Variants in RYR3 observed in about 807,000 individuals in gnomAD.
RYR3 encodes ryanodine receptor 3, also known as brain ryanodine receptor-calcium release channel.
A neutral mutation model predicts 584.3 loss-of-function variants in RYR3; 207 were observed. The observed-to-expected ratio is 0.35, with a 90% CI of 0.32 to 0.40. RYR3 has a LOEUF of 0.40. Among genes scored for constraint, RYR3 ranks in the 10% least tolerant of loss-of-function variants. RYR3 has a pLI of 1.00. For synonymous variants in RYR3, 2,416 were observed against 2,248.5 expected (o/e 1.07, Z -2.11); for missense variants, 5,616 against 6,089.2 (o/e 0.92, Z 2.59).
rs537979276 is a variant in RYR3, at chr15:33,486,642, C to T, written c.171+13104C>T. On this transcript the variant is annotated intron_variant, in intron 2 of 103. Coordinates refer to ENST00000634891, the MANE Select transcript of RYR3 (RefSeq NM_001036.6). ...AGTAAAGGAATAATAGGTCAAAGTA[C>T]ACAAACATCAAAGAGGAGGGGAGTA... is the stretch of plus-strand genomic sequence containing the variant. Among the ~76,000 whole-genome samples the T allele has an allele frequency of 2.0e-5, 3 of 152,226 alleles. No individual in the cohort carries two copies. The South Asian group carries it at 6.2e-4, about 32-fold the overall frequency.
At chr15:33,619,517 G>A (rs1401277178) in intron 19 of RYR3, among the ~76,000 whole-genome samples, 4 of 152,052 alleles carry the variant, frequency 2.6e-5, no homozygotes, top group African/African-American at 9.7e-5. Context: ...TGGACTGGTA[G>A]GTTTAACTTT....
intron 2 of RYR3, among the ~76,000 whole-genome samples, chr15:33,501,845 A>G (rs544639421): frequency 6.6e-6 from 1 of 152,332 alleles, no homozygotes; most frequent in East Asian, 1.9e-4. Flanking sequence ...CTGCTTGCTC[A>G]AGTCCCATAC....
chr15:33,614,572 T>G (rs2060356221), intron 19 of RYR3, among the ~76,000 whole-genome samples: 2 of 152,296 alleles, frequency 1.3e-5, no homozygotes, highest in Admixed American at 1.3e-4. Flanking sequence ...TTTAATGTGC[T>G]TTTTCCAACA....
intron 20 of RYR3, among the ~76,000 whole-genome samples, chr15:33,626,406 A>G (rs897549522): frequency 6.6e-6 from 1 of 152,248 alleles, no homozygotes; most frequent in African/African-American, 2.4e-5. Context: ...AGAAATTTCT[A>G]AGCAGCAAAG....
At chr15:33,597,815 A>T (rs1248460494) in intron 16 of RYR3, among the ~76,000 whole-genome samples, 1 of 138,094 alleles carries the variant, frequency 7.2e-6, no homozygotes, top group Non-Finnish European at 1.6e-5. Context: ...GTTAGTAGTA[A>T]AACATTCTGT....
chr15:33,547,602 G>T (rs1347004093), intron 8 of RYR3, among the ~76,000 whole-genome samples: 1 of 152,120 alleles, frequency 6.6e-6, no homozygotes, highest in East Asian at 1.9e-4. Context: ...CTTAACACGG[G>T]AAAGGAAGCA....
chr15:33,573,151 A>AT (rs756526641), intron 12 of RYR3, among the ~76,000 whole-genome samples: 3 of 152,220 alleles, frequency 2.0e-5, no homozygotes, highest in East Asian at 3.9e-4. Flanking sequence ...TCCCACCCTC[A>AT]AGAGGGAAAT....
intron 1 of RYR3, among the ~76,000 whole-genome samples, chr15:33,431,979 T>C (rs926081379): frequency 6.6e-6 from 1 of 152,192 alleles, no homozygotes; most frequent in African/African-American, 2.4e-5. Context: ...CAGCAAGACT[T>C]ACTGGAGTAG....
chr15:33,404,734 T>C (rs1447447126), intron 1 of RYR3, among the ~76,000 whole-genome samples: 2 of 152,194 alleles, frequency 1.3e-5, no homozygotes, highest in Non-Finnish European at 2.9e-5. Context: ...AATAAAAGTA[T>C]AAACTGGACT....
Position 33,586,051 on chromosome 15 carries a change from C to G in RYR3, c.1723C>G (p.Leu575Val). The G allele has an allele frequency of 6.2e-7, 1 of 1,613,674 alleles. No homozygotes were observed. The change falls in exon 16 of 104, where the codon CTG becomes GTG. Residue 575 changes from leucine (L) to valine (V), a missense_variant. Leu to Val is a conservative substitution (Grantham distance 32). Transcript: ENST00000634891. ...ILTESPEALN[L>V]IAEGHIKSII... ...AACTGAAAGCCCAGAAGCCTTAAAT[C>G]TGATAGCGGAGGGCCACATCAAGTC...
chr15:33,374,443 T>G (rs2040577803), intron 1 of RYR3, among the ~76,000 whole-genome samples: 1 of 152,036 alleles, frequency 6.6e-6, no homozygotes, highest in Non-Finnish European at 1.5e-5. Context: ...CACGCATAGA[T>G]GTACACGTCA....
chr15:33,595,958 T>C (rs960708951), intron 16 of RYR3, among the ~76,000 whole-genome samples: 3 of 152,140 alleles, frequency 2.0e-5, no homozygotes, highest in South Asian at 2.1e-4. Context: ...GGTTGGACTT[T>C]CTGATTTATT....
chr15:33,815,271 G>T (rs2076756657), intron 74 of RYR3: 1 of 152,140 alleles, frequency 6.6e-6, no homozygotes, highest in Non-Finnish European at 1.5e-5. Flanking sequence ...TTCATAGCCC[G>T]TTAGAAAAAG....
intron 1 of RYR3, among the ~76,000 whole-genome samples, chr15:33,404,239 T>C (rs2042870962): frequency 6.6e-6 from 1 of 152,242 alleles, no homozygotes; most frequent in African/African-American, 2.4e-5. Flanking sequence ...ATCTTGGTGA[T>C]GTTTAGAGGG....
At chr15:33,590,589 C>T (rs183909436) in intron 16 of RYR3, among the ~76,000 whole-genome samples, 296 of 148,978 alleles carry the variant, frequency 2.0e-3, no homozygotes, top group African/African-American at 6.8e-3. Flanking sequence ...ATCAGTGTTT[C>T]GTAATTTTTT....
At chr15:33,827,756 T>C (rs1270849907) in intron 85 of RYR3, among the ~76,000 whole-genome samples, 1 of 152,206 alleles carries the variant, frequency 6.6e-6, no homozygotes, top group Non-Finnish European at 1.5e-5. Flanking sequence ...CAAAAAGGGA[T>C]TTTTTTCCTC....
At chr15:33,349,298 G>A (rs1209665519) in intron 1 of RYR3, among the ~76,000 whole-genome samples, 1 of 152,042 alleles carries the variant, frequency 6.6e-6, no homozygotes, top group East Asian at 1.9e-4. Context: ...TAAATTCCTA[G>A]GAGCGTGAAT....
chr15:33,799,157 C>G (rs1193622703), intron 67 of RYR3, among the ~76,000 whole-genome samples: 1 of 152,136 alleles, frequency 6.6e-6, no homozygotes, highest in Non-Finnish European at 1.5e-5. Context: ...ACAGAGCTCC[C>G]AAAACTCATA....
Position 33,442,271 on chromosome 15 carries a change from A to G in RYR3, c.52-31148A>G, listed in dbSNP as rs906172451. Among the ~76,000 whole-genome samples, 13 of 152,336 alleles carry G rather than the reference A, an allele frequency of 8.5e-5. No homozygotes were observed. The East Asian group carries it at 9.6e-4, about 11-fold the overall frequency. On this transcript the variant is annotated intron_variant, in intron 1 of 103. Transcript: ENST00000634891. ...TAGCTAAAAGATGGTTGTAAAAACAATATTTCAGTCAAGCAATTGAAATTT... is the reference window on the plus strand; with the variant it reads ...TAGCTAAAAGATGGTTGTAAAAACAGTATTTCAGTCAAGCAATTGAAATTT...
Sources: gnomAD v4.1 joint callset for allele counts (sites outside exome capture counted in the v4.1 genomes callset) on GRCh38, gnomAD v4.1.1 for gene constraint, MANE v1.5 for transcripts, NCBI Gene and HGNC (gene_info 2026-07-23, HGNC 2026-07-21) for gene names.